Variants in CENPK observed in about 807,000 individuals in gnomAD.
CENPK encodes the protein SoxLZ/Sox6-binding protein Solt.
CENPK carries 46 observed loss-of-function variants against 40.9 expected under a neutral mutation model. The ratio of observed to expected loss-of-function variants is 1.13; its 90% CI spans 0.89 to 1.44. The LOEUF (loss-of-function observed/expected upper bound fraction) is 1.44, where lower values mean the gene tolerates loss of function less well. Among genes scored for constraint, CENPK ranks in the 40% most tolerant of loss-of-function variants. The probability of loss-of-function intolerance (pLI) is 0.00; values close to 1 mark genes in which losing one functional copy is unlikely to be tolerated. For missense variants in CENPK, 288 were observed against 303.5 expected (o/e 0.95, Z 0.38); for synonymous variants, 107 against 104.4 (o/e 1.02, Z -0.15).
At chr5:65,543,886 G>C (rs1246726615) in intron 5 of CENPK, among the ~76,000 whole-genome samples, 1 of 152,188 alleles carries the variant, frequency 6.6e-6, no homozygotes, top group Non-Finnish European at 1.5e-5. Flanking sequence ...AGAAAAAACA[G>C]CAAGAAATAT....
At chr5:65,506,423 T>G in the CENPK span, among the ~76,000 whole-genome samples, 3 of 148,676 alleles carry the variant, frequency 2.0e-5, no homozygotes, top group African/African-American at 7.4e-5. Flanking sequence ...CTGAGGCTGG[T>G]GGATTGCTTG....
At chr5:65,554,996 T>C in intron 2 of CENPK, 50 bp from the exon 3 acceptor site, 1 of 793,158 alleles carries the variant, frequency 1.3e-6, no homozygotes, top group Non-Finnish European at 2.2e-6. Context: ...GAACACTTAT[T>C]ACCTGCCAGA....
chr5:65,554,142 A>T (rs867033983), intron 3 of CENPK, among the ~76,000 whole-genome samples: 83 of 143,862 alleles, frequency 5.8e-4, no homozygotes, highest in African/African-American at 1.8e-3. Context: ...ACCAGTAATT[A>T]TTTTTTTTTT....
chr5:65,509,093 A>G, the CENPK span, among the ~76,000 whole-genome samples: 1 of 152,204 alleles, frequency 6.6e-6, no homozygotes, highest in Admixed American at 6.5e-5. Flanking sequence ...TGGGCAAAAG[A>G]ATTCCATTTG....
intron 7 of CENPK, 38 bp from the exon 8 acceptor site, chr5:65,529,055 T>TAAAACTTTA (rs1561634132): frequency 1.3e-6 from 2 of 1,551,104 alleles, no homozygotes; most frequent in Non-Finnish European, 1.8e-6. Context: ...AATATCTAAA[T>TAAAACTTTA]AAAACTTTAA....
At chr5:65,499,523 G>A in the CENPK span, among the ~76,000 whole-genome samples, 2 of 151,328 alleles carry the variant, frequency 1.3e-5, no homozygotes, top group African/African-American at 4.9e-5. Flanking sequence ...TTCCTGAGCT[G>A]GGGTTCTCTC....
rs765688833 is a variant in CENPK at position 65,528,426 on chromosome 5, A to G, written c.597+26T>C. 5.7e-6 allele frequency: 9 copies of G among 1,566,410 alleles called. No individual in the cohort carries two copies. The East Asian group carries it at 1.1e-4, about 20-fold the overall frequency. On this transcript the variant is annotated intron_variant, in intron 9 of 10. Transcript: ENST00000396679. The stretch of plus-strand genomic sequence containing the variant: ...AAAATAATTTCAAATATGATAATTT[A>G]CATAAATGTCTTCTCTAAAACTTAC...
intron 5 of CENPK, among the ~76,000 whole-genome samples, chr5:65,548,235 A>G (rs1460554390): frequency 1.3e-5 from 2 of 152,228 alleles, no homozygotes; most frequent in Non-Finnish European, 1.5e-5. Flanking sequence ...CAGTGCATAT[A>G]AAAGTTGTTT....
chr5:65,548,588 A>G (rs959783322), intron 5 of CENPK, among the ~76,000 whole-genome samples: 2 of 152,218 alleles, frequency 1.3e-5, no homozygotes, highest in Non-Finnish European at 2.9e-5. Context: ...AACTTCTTTC[A>G]AAATTAGTCA....
At chr5:65,512,931 C>T (rs775732910), downstream of CENPK, among the ~76,000 whole-genome samples, 5 of 152,158 alleles carry the variant, frequency 3.3e-5, no homozygotes, top group Non-Finnish European at 7.4e-5. Context: ...TAATGACATA[C>T]GATGTTGAAC....
At chr5:65,495,892 A>G in the CENPK span, among the ~76,000 whole-genome samples, 3 of 152,164 alleles carry the variant, frequency 2.0e-5, no homozygotes, top group Admixed American at 2.0e-4. Flanking sequence ...TTAAATGGGC[A>G]CTCTCATACA....
chr5:65,497,516 T>G, the CENPK span, among the ~76,000 whole-genome samples: 1 of 152,176 alleles, frequency 6.6e-6, no homozygotes, highest in Non-Finnish European at 1.5e-5. Context: ...GACAGCAAGA[T>G]AGGAGTCACA....
At chr5:65,533,378 C>CAAAAT (rs1166334692) in intron 6 of CENPK, among the ~76,000 whole-genome samples, 1 of 77,856 alleles carries the variant, frequency 1.3e-5, no homozygotes, top group Non-Finnish European at 2.7e-5. Flanking sequence ...AATAAAATAA[C>CAAAAT]AAAATAAAAT....
intron 6 of CENPK, among the ~76,000 whole-genome samples, chr5:65,533,528 A>G (rs116820781): frequency 0.014 from 2,108 of 152,202 alleles, 55 homozygotes; most frequent in African/African-American, 0.048. Flanking sequence ...AAAGATGTCC[A>G]TTCTTACCGT....
At chr5:65,551,273 G>C in intron 5 of CENPK, 1 of 198,402 alleles carries the variant, frequency 5.0e-6, no homozygotes, top group South Asian at 5.4e-5. Context: ...AAAAAAAAAA[G>C]GAACAATTTA....
chr5:65,515,948 T>G (rs189014594), downstream of CENPK, among the ~76,000 whole-genome samples: 5 of 152,352 alleles, frequency 3.3e-5, no homozygotes, highest in East Asian at 9.6e-4. Context: ...ATAGTCAATT[T>G]CTGGGGAAGG....
intron 6 of CENPK, among the ~76,000 whole-genome samples, chr5:65,535,834 T>C (rs909792441): frequency 2.6e-5 from 4 of 152,152 alleles, no homozygotes; most frequent in African/African-American, 7.2e-5. Context: ...ACAACTAGCA[T>C]TACAAATGAG....
At chr5:65,510,292 T>C in the CENPK span, among the ~76,000 whole-genome samples, 1 of 152,162 alleles carries the variant, frequency 6.6e-6, no homozygotes, top group Non-Finnish European at 1.5e-5. Flanking sequence ...GGTAAGAAAG[T>C]GAAACAGCCT....
At chr5:65,532,969 A>T (rs749364109) in intron 6 of CENPK, among the ~76,000 whole-genome samples, 2 of 150,970 alleles carry the variant, frequency 1.3e-5, no homozygotes, top group African/African-American at 4.9e-5. Context: ...GTAATTCACC[A>T]TATCAATAGA....
Sources: allele counts gnomAD v4.1 joint callset (sites outside exome capture counted in the v4.1 genomes callset), GRCh38; gene constraint gnomAD v4.1.1; transcripts MANE v1.5; gene names NCBI Gene and HGNC (gene_info 2026-07-23, HGNC 2026-07-21).